The following CPEB2 variants were observed in gnomAD, a reference collection of about 807,000 sequenced individuals.
CPEB2 encodes the protein cytoplasmic polyadenylation element binding protein 2.
In CPEB2, 56 loss-of-function variants were observed where a neutral mutation model predicts 93.6. The ratio of observed to expected loss-of-function variants is 0.60; its 90% CI spans 0.48 to 0.75. The LOEUF is 0.75. Ranked by LOEUF, CPEB2 falls within the 30% of genes least tolerant of loss-of-function variation. The probability of loss-of-function intolerance (pLI) is 0.00; values close to 1 mark genes in which losing one functional copy is unlikely to be tolerated. For missense variants in CPEB2, 1,579 were observed against 1,395.1 expected (o/e 1.13, Z -2.10); for synonymous variants, 764 against 586.3 (o/e 1.30, Z -4.38).
intron 4 of CPEB2, among the ~76,000 whole-genome samples, chr4:15,024,892 T>G (rs2109009617): frequency 6.6e-6 from 1 of 151,748 alleles, no homozygotes; most frequent in South Asian, 2.1e-4. Flanking sequence ...ATTACAGGTG[T>G]CCACCACCAG....
intron 6 of CPEB2, among the ~76,000 whole-genome samples, chr4:15,048,228 A>G (rs1727898491): frequency 6.6e-6 from 1 of 151,672 alleles, no homozygotes; most frequent in Non-Finnish European, 1.5e-5. Context: ...TTGCACTTGT[A>G]AAAAAAAGTT....
At position 15,058,531 on chromosome 4, in the gene CPEB2, G is replaced by A. The variant is rs1728916110; in HGVS notation, c.2572G>A (p.Asp858Asn). ...GTGTGTTTCTAGCCCTACTATCAAG[G>A]ACAAACCAGTAAGTAAATACCACAT... ...YLCVSSPTIKDKPVQIRPWNL... is the reference protein window; with the variant it reads ...YLCVSSPTIKNKPVQIRPWNL... The change falls in exon 9 of 12, where the codon GAC becomes AAC. Residue 858 changes from aspartate to asparagine, a missense_variant. Around this residue, in one of 2 missense-constraint regions of CPEB2, gnomAD observed 168 missense variants for 339.1 expected, o/e 0.50. Transcript: ENST00000538197. 4 of 1,580,080 alleles carry A rather than the reference G, an allele frequency of 2.5e-6. No homozygotes were observed. The highest frequency in any genetic ancestry group is 3.5e-6 in the Non-Finnish European group (4 of 1,151,310).
At chr4:15,066,086 T>G in intron 11 of CPEB2, 67 bp from the exon 12 acceptor site, 1 of 1,362,902 alleles carries the variant, frequency 7.3e-7, no homozygotes, top group Non-Finnish European at 1.0e-6. Context: ...GTAGAACATT[T>G]TAAGTTATTA....
chr4:15,004,082 C>G lies in CPEB2; in HGVS notation c.1409C>G (p.Pro470Arg), dbSNP rs780162983. 6.4e-7 allele frequency: 1 copy of G among 1,565,086 alleles called. No individual in the cohort carries two copies. Among genetic ancestry groups the G allele is most frequent in the African/African-American group, 1.4e-5 (1 of 70,376 alleles). ...AFFPSFSPVS[P>R]HGCTGLSVPT... ...TTCCCTAGCTTCTCGCCCGTGTCGC[C>G]GCACGGCTGCACTGGGCTCAGCGTT... Residue 470 changes from proline to arginine, a missense_variant, in exon 1 of 12, where the codon CCG becomes CGG. Transcript: ENST00000538197.
At chr4:15,058,575 G>T in intron 9 of CPEB2, 36 bp downstream of exon 9, 1 of 1,213,508 alleles carries the variant, frequency 8.2e-7, no homozygotes, top group Non-Finnish European at 1.2e-6. Flanking sequence ...GGCTACAAAT[G>T]CAAATTTTTC....
chr4:15,021,496 A>G (rs1724811027), intron 4 of CPEB2, among the ~76,000 whole-genome samples: 1 of 152,122 alleles, frequency 6.6e-6, no homozygotes, highest in African/African-American at 2.4e-5. Context: ...TGCCCCCAAC[A>G]ATTTGTAAAA....
At chr4:15,044,735 T>A (rs997301894) in intron 6 of CPEB2, among the ~76,000 whole-genome samples, 2 of 152,292 alleles carry the variant, frequency 1.3e-5, no homozygotes, top group African/African-American at 2.4e-5. Context: ...GATAGTTTTT[T>A]AAATTAATGT....
chr4:15,007,033 G>A (rs1345741985), intron 1 of CPEB2, among the ~76,000 whole-genome samples: 1 of 151,994 alleles, frequency 6.6e-6, no homozygotes, highest in Non-Finnish European at 1.5e-5. Flanking sequence ...AGTTATCTCT[G>A]AAGGATAAAA....
At chr4:15,036,583 C>A (rs992890670) in intron 5 of CPEB2, among the ~76,000 whole-genome samples, 3 of 152,106 alleles carry the variant, frequency 2.0e-5, no homozygotes, top group African/African-American at 4.8e-5. Context: ...AATGATGTAT[C>A]ATTCAAGTAT....
intron 5 of CPEB2, among the ~76,000 whole-genome samples, chr4:15,034,612 G>C (rs1226396637): frequency 1.3e-5 from 2 of 152,006 alleles, no homozygotes; most frequent in East Asian, 3.9e-4. Flanking sequence ...GTACTAGCGG[G>C]GAGAAAAAGA....
intron 4 of CPEB2, among the ~76,000 whole-genome samples, chr4:15,021,024 G>A (rs984266735): frequency 2.0e-5 from 3 of 152,134 alleles, no homozygotes; most frequent in African/African-American, 7.2e-5. Context: ...GCATGGAAGA[G>A]ATTGTTACAT....
chr4:15,046,744 G>T (rs1029318172), intron 6 of CPEB2, among the ~76,000 whole-genome samples: 5 of 151,918 alleles, frequency 3.3e-5, no homozygotes, highest in African/African-American at 7.2e-5. Flanking sequence ...TATATATTTT[G>T]TCCTATTTTC....
At chr4:15,018,866 A>G (rs1724469730) in intron 4 of CPEB2, among the ~76,000 whole-genome samples, 1 of 147,890 alleles carries the variant, frequency 6.8e-6, no homozygotes, top group Admixed American at 6.8e-5. Context: ...GGGTTATAGT[A>G]AAAGTGAAGG....
intron 6 of CPEB2, among the ~76,000 whole-genome samples, chr4:15,044,201 G>A (rs1399766361): frequency 6.6e-6 from 1 of 152,186 alleles, no homozygotes; most frequent in Non-Finnish European, 1.5e-5. Flanking sequence ...TTCTGTTTTT[G>A]TAAACAAAGT....
intron 1 of CPEB2, among the ~76,000 whole-genome samples, chr4:15,006,826 T>A (rs183903122): frequency 1.1e-3 from 163 of 152,338 alleles, no homozygotes; most frequent in African/African-American, 3.7e-3. Flanking sequence ...ACTTTTGTAG[T>A]AGTGCAACTT....
chr4:15,011,007 CAA>C (rs1723398894), intron 3 of CPEB2, among the ~76,000 whole-genome samples: 1 of 150,296 alleles, frequency 6.7e-6, no homozygotes, highest in African/African-American at 2.4e-5. Flanking sequence ...AGAAAACCCT[CAA>C]ATTTAAAACT....
chr4:15,003,023 A>G lies in CPEB2; in HGVS notation c.350A>G (p.Lys117Arg). 1 of 1,490,720 alleles carries G rather than the reference A, an allele frequency of 6.7e-7. No individual in the cohort carries two copies. The highest frequency in any genetic ancestry group is 8.8e-7 in the Non-Finnish European group (1 of 1,132,814). The allele number at this position is 1,490,720 out of a possible 1,614,324, so 92.3% of individuals were successfully genotyped here. ...RPLSGAAATE[K>R]LPDHHPGGGT... ...CTTTCGGGGGCGGCGGCCACGGAGA[A>G]ACTCCCCGACCACCACCCCGGCGGC... The change falls in exon 1 of 12, where the codon AAA becomes AGA. Residue 117 changes from lysine (K) to arginine (R), a missense_variant. Coordinates refer to ENST00000538197, the MANE Select transcript of CPEB2 (RefSeq NM_001177382.2).
At chr4:15,012,472 T>G (rs537734281) in intron 3 of CPEB2, among the ~76,000 whole-genome samples, 82 of 152,294 alleles carry the variant, frequency 5.4e-4, no homozygotes, top group African/African-American at 1.7e-3. Flanking sequence ...AATATATGGA[T>G]AAAAAATACT....
intron 3 of CPEB2, among the ~76,000 whole-genome samples, chr4:15,012,420 A>G (rs1413607864): frequency 2.0e-5 from 3 of 152,336 alleles, no homozygotes; most frequent in Admixed American, 6.5e-5. Context: ...AAAGAAATGT[A>G]TCTTCATTCA....
Sources: allele counts gnomAD v4.1 joint callset (sites outside exome capture counted in the v4.1 genomes callset), GRCh38; gene constraint gnomAD v4.1.1; regional missense constraint gnomAD v4.1.1; transcripts MANE v1.5; gene names NCBI Gene and HGNC (gene_info 2026-07-23, HGNC 2026-07-21).